The following CDK14 variants were observed in gnomAD, a reference collection of about 807,000 sequenced individuals.
The protein encoded by CDK14 is cyclin-dependent kinase 14.
A neutral mutation model predicts 60.7 loss-of-function variants in CDK14; 34 were observed. The observed-to-expected ratio is 0.56, with a 90% CI of 0.43 to 0.75. The LOEUF (loss-of-function observed/expected upper bound fraction) is 0.75, where lower values mean the gene tolerates loss of function less well. CDK14 is among the 30% of genes least tolerant of loss of function. The probability of loss-of-function intolerance (pLI) is 0.00; values close to 1 mark genes in which losing one functional copy is unlikely to be tolerated. For missense variants in CDK14, 482 were observed against 564.1 expected, an observed-to-expected ratio of 0.85 and a Z score of 1.47; for synonymous variants, 197 against 203.7, an observed-to-expected ratio of 0.97 and a Z score of 0.28.
intron 3 of CDK14, among the ~76,000 whole-genome samples, chr7:90,730,719 ATTTG>A (rs1416921581): frequency 6.6e-6 from 1 of 151,892 alleles, no homozygotes; most frequent in Non-Finnish European, 1.5e-5. Context: ...TCTCTTGTAA[ATTTG>A]TTTAAGTTCT....
intron 14 of CDK14, among the ~76,000 whole-genome samples, chr7:91,182,853 C>T (rs1310041722): frequency 6.6e-6 from 1 of 152,144 alleles, no homozygotes; most frequent in Admixed American, 6.5e-5. Flanking sequence ...TTTGGAGACT[C>T]AGTTTTTAAT....
chr7:90,918,764 A>G (rs1167392497), intron 8 of CDK14, among the ~76,000 whole-genome samples: 1 of 152,252 alleles, frequency 6.6e-6, no homozygotes, highest in African/African-American at 2.4e-5. Context: ...CATTAAATAA[A>G]AGAAGGCAGG....
chr7:90,779,189 G>A (rs890363370), intron 4 of CDK14, among the ~76,000 whole-genome samples: 1 of 152,036 alleles, frequency 6.6e-6, no homozygotes, highest in Non-Finnish European at 1.5e-5. Context: ...GGAGGCAGAG[G>A]TTGCAGTGAG....
At chr7:91,146,236 T>C (rs1031654232) in intron 14 of CDK14, among the ~76,000 whole-genome samples, 20 of 152,220 alleles carry the variant, frequency 1.3e-4, no homozygotes, top group Admixed American at 5.2e-4. Context: ...AGTCTTGCTC[T>C]GTTGCCCAGG....
rs965797786 is a variant in CDK14, at chr7:91,006,236, A to G, written c.1041+21995A>G. On this transcript the variant is annotated intron_variant, in intron 10 of 14. Coordinates refer to ENST00000380050, the MANE Select transcript of CDK14 (RefSeq NM_001287135.2). ...CCCTCATGGCTCTTTTTAGTTCTTAAAGAATATAAGTTTCCATTGAAACTA... is the reference window on the plus strand; with the variant it reads ...CCCTCATGGCTCTTTTTAGTTCTTAGAGAATATAAGTTTCCATTGAAACTA... 1.1e-4 allele frequency among the ~76,000 whole-genome samples: 16 copies of G among 152,248 alleles called. 1 individual carries two copies. The East Asian group carries it at 3.1e-3, about 29-fold the overall frequency.
intron 7 of CDK14, among the ~76,000 whole-genome samples, chr7:90,910,891 C>G (rs1792874017): frequency 6.6e-6 from 1 of 152,058 alleles, no homozygotes; most frequent in Admixed American, 6.6e-5. Context: ...GGTATTAAGC[C>G]TTGTATCCAT....
At chr7:90,798,583 T>A (rs1401383954) in intron 5 of CDK14, among the ~76,000 whole-genome samples, 1 of 152,154 alleles carries the variant, frequency 6.6e-6, no homozygotes, top group Non-Finnish European at 1.5e-5. Context: ...GCGGGAAGAT[T>A]TCAGAATAGG....
chr7:90,752,288 A>T (rs145277595), intron 4 of CDK14, among the ~76,000 whole-genome samples: 738 of 43,930 alleles, frequency 0.017, 6 homozygotes, highest in African/African-American at 0.057. Flanking sequence ...TCAGTAAATT[A>T]AAAAAAAAAA....
intron 2 of CDK14, among the ~76,000 whole-genome samples, chr7:90,667,303 A>G (rs935604043): frequency 6.6e-6 from 1 of 152,186 alleles, no homozygotes; most frequent in Non-Finnish European, 1.5e-5. Context: ...TAGAAATAAT[A>G]TACCATGAAA....
chr7:91,171,442 A>C (rs906666704), intron 14 of CDK14, among the ~76,000 whole-genome samples: 1 of 152,176 alleles, frequency 6.6e-6, no homozygotes, highest in African/African-American at 2.4e-5. Context: ...ATATGAACTA[A>C]AAGATGCTTT....
intron 2 of CDK14, among the ~76,000 whole-genome samples, chr7:90,702,574 TTA>T (rs879422875): frequency 6.9e-6 from 1 of 145,236 alleles, no homozygotes; most frequent in Non-Finnish European, 1.5e-5. Flanking sequence ...GTCAATTAAA[TTA>T]TATAGGGATA....
chr7:91,033,674 G>A (rs1178287718), intron 10 of CDK14, among the ~76,000 whole-genome samples: 1 of 152,126 alleles, frequency 6.6e-6, no homozygotes, highest in African/African-American at 2.4e-5. Context: ...CCTATTTTGA[G>A]GCACAGTTTC....
intron 2 of CDK14, among the ~76,000 whole-genome samples, chr7:90,623,050 T>A (rs1799806675): frequency 6.6e-6 from 1 of 151,054 alleles, no homozygotes; most frequent in Non-Finnish European, 1.5e-5. Flanking sequence ...AGCATGCCAT[T>A]TGTCAGCTCA....
At chr7:91,051,419 A>G (rs1165384712) in intron 11 of CDK14, among the ~76,000 whole-genome samples, 1 of 152,154 alleles carries the variant, frequency 6.6e-6, no homozygotes, top group Non-Finnish European at 1.5e-5. Context: ...TTCTTTTTTG[A>G]ACCTGATTAC....
chr7:90,727,534 A>G (rs1322683056), intron 3 of CDK14, among the ~76,000 whole-genome samples: 7 of 152,160 alleles, frequency 4.6e-5, no homozygotes, highest in South Asian at 2.1e-4. Flanking sequence ...ATTAATATAC[A>G]TTATTTACAA....
rs183510590 is a variant in CDK14, at chr7:90,837,880, A to T, written c.545-25295A>T. Among the ~76,000 whole-genome samples, 492 of 152,260 alleles carry T rather than the reference A, an allele frequency of 3.2e-3. 2 individuals carry two copies. Among genetic ancestry groups the T allele is most frequent in the African/African-American group, 0.011 (450 of 41,552 alleles). Reference sequence around the variant, plus strand: ...ATTAGTGTTAGAAGACATATTAAACATCTAGAGTAGTGATTTTCAAGGCTA... The same window carrying T: ...ATTAGTGTTAGAAGACATATTAAACTTCTAGAGTAGTGATTTTCAAGGCTA... On this transcript the variant is annotated intron_variant, in intron 5 of 14. Coordinates refer to ENST00000380050, the MANE Select transcript of CDK14 (RefSeq NM_001287135.2).
In CDK14 at chr7:90,596,538, C is replaced by A. The variant is rs1799189185; in HGVS notation, c.-90C>A. 4 of 1,076,530 alleles carry A rather than the reference C, an allele frequency of 3.7e-6. No individual in the cohort carries two copies. Among genetic ancestry groups the A allele is most frequent in the Middle Eastern group, 2.4e-4 (1 of 4,150 alleles). The allele number at this position is 1,076,530 out of a possible 1,614,324, so 66.7% of individuals were successfully genotyped here. A position where few individuals can be genotyped will look rare whatever the true frequency, so the allele number is the denominator to read the frequency against. On this transcript the variant is annotated 5_prime_UTR_variant, in exon 1 of 15. Coordinates refer to ENST00000380050, the MANE Select transcript of CDK14 (RefSeq NM_001287135.2). ...GCCGAGGAGGTGGTGGAGGAGGAGG[C>A]GCCGCTTTCCCCGCGGCGCGCGCCC...
At chr7:90,713,197 T>C (rs1049259410) in intron 2 of CDK14, among the ~76,000 whole-genome samples, 3 of 152,058 alleles carry the variant, frequency 2.0e-5, no homozygotes, top group African/African-American at 7.2e-5. Context: ...TAAATCCAGA[T>C]GGTTTTTCTG....
At chr7:90,993,810 G>C (rs1795604281) in intron 10 of CDK14, among the ~76,000 whole-genome samples, 1 of 152,076 alleles carries the variant, frequency 6.6e-6, no homozygotes, top group African/African-American at 2.4e-5. Context: ...CCCAATTTGT[G>C]ATTTGTGATA....
Sources: gnomAD v4.1 joint callset for allele counts (sites outside exome capture counted in the v4.1 genomes callset) on GRCh38, gnomAD v4.1.1 for gene constraint, MANE v1.5 for transcripts, NCBI Gene and HGNC (gene_info 2026-07-23, HGNC 2026-07-21) for gene names.